NAALADL2: variants seen among roughly 807,000 people sequenced by gnomAD.
NAALADL2 encodes the protein N-acetylated alpha-linked acidic dipeptidase like 2, also known as inactive N-acetylated-alpha-linked acidic dipeptidase-like protein 2.
NAALADL2 carries 76 observed loss-of-function variants against 87.2 expected under a neutral mutation model. The ratio of observed to expected loss-of-function variants is 0.87; its 90% confidence interval spans 0.72 to 1.05. The LOEUF (loss-of-function observed/expected upper bound fraction) is 1.05, where lower values mean the gene tolerates loss of function less well. Among genes scored for constraint, NAALADL2 ranks in the 50% least tolerant of loss-of-function variants. The pLI is 0.00. For synonymous variants in NAALADL2, 354 were observed against 331.0 expected, an observed-to-expected ratio of 1.07 and a Z score of -0.75; for missense variants, 1,089 against 945.8, an observed-to-expected ratio of 1.15 and a Z score of -1.99.
Position 175,660,710 on chromosome 3 carries a change from T to C in NAALADL2, c.1896+33324T>C, listed in dbSNP as rs139191545. Among the ~76,000 whole-genome samples the C allele has an allele frequency of 1.6e-3, 249 of 152,196 alleles. 1 individual carries two copies. Among genetic ancestry groups the C allele is most frequent in the African/African-American group, 5.6e-3 (231 of 41,558 alleles). ...TAACCACCATCCTATGCTCTACCTC[T>C]GTAAGACTCACCTTTATAGCTCCCA... On this transcript the variant is annotated intron_variant, in intron 11 of 13. Transcript: ENST00000454872.
chr3:175,314,088 A>G (rs1355367995), intron 4 of NAALADL2, among the ~76,000 whole-genome samples: 1 of 151,336 alleles, frequency 6.6e-6, no homozygotes, highest in Admixed American at 6.6e-5. Context: ...AAAAAAAAAA[A>G]AAGAAAAGTG....
intron 1 of NAALADL2, among the ~76,000 whole-genome samples, chr3:175,044,781 G>A (rs73883317): frequency 0.037 from 5,695 of 152,130 alleles, 126 homozygotes; most frequent in African/African-American, 0.057. Flanking sequence ...GATTGGTTTT[G>A]ATTTCTTTCT....
chr3:174,555,543 G>A (rs531100537), intron 2 of NAALADL2, among the ~76,000 whole-genome samples: 4 of 152,158 alleles, frequency 2.6e-5, no homozygotes, highest in African/African-American at 7.2e-5. Context: ...CTGGTGGTCC[G>A]CCGGCCTTGG....
chr3:174,761,693 G>A (rs1712983672), intron 3 of NAALADL2, among the ~76,000 whole-genome samples: 1 of 151,854 alleles, frequency 6.6e-6, no homozygotes, highest in African/African-American at 2.4e-5. Flanking sequence ...GTATACATGT[G>A]CCATGTTGGT....
Position 174,529,361 on chromosome 3 carries a change from G to GTA in NAALADL2, c.-183-21207_-183-21206dup, listed in dbSNP as rs368933320. 2.2e-3 allele frequency among the ~76,000 whole-genome samples: 339 copies of GTA among 152,340 alleles called. 2 individuals carry two copies. Among genetic ancestry groups the GTA allele is most frequent in the African/African-American group, 8.0e-3 (332 of 41,586 alleles). On this transcript the variant is annotated intron_variant, in intron 1 of 3. Coordinates refer to the NAALADL2 transcript ENST00000434257. Reference sequence around the variant, plus strand: ...TGCTCTGCCCCTGTGGCTCTGCAGGGTAAAGCCTCCTTCCCTGCTGCTTTC... The same window carrying GTA: ...TGCTCTGCCCCTGTGGCTCTGCAGGGTATAAAGCCTCCTTCCCTGCTGCTTTC...
intron 1 of NAALADL2, among the ~76,000 whole-genome samples, chr3:174,948,781 T>A (rs574939914): frequency 1.3e-5 from 2 of 152,320 alleles, no homozygotes; most frequent in South Asian, 2.1e-4. Context: ...TGTCCATTGA[T>A]ACTGGTTTTA....
At chr3:174,447,924 G>C (rs1715178507) in intron 1 of NAALADL2, among the ~76,000 whole-genome samples, 1 of 152,172 alleles carries the variant, frequency 6.6e-6, no homozygotes. Flanking sequence ...ATATAGGTTG[G>C]CATAAAGGTA....
intron 4 of NAALADL2, among the ~76,000 whole-genome samples, chr3:175,274,563 A>T (rs1753309045): frequency 6.6e-6 from 1 of 152,184 alleles, no homozygotes; most frequent in Non-Finnish European, 1.5e-5. Context: ...CAGAATGCTC[A>T]GCCTATCAGA....
At chr3:175,647,193 G>A (rs866369739) in intron 11 of NAALADL2, among the ~76,000 whole-genome samples, 2 of 152,068 alleles carry the variant, frequency 1.3e-5, no homozygotes, top group South Asian at 4.1e-4. Context: ...GCATCCTACT[G>A]TATATTCCTA....
intron 10 of NAALADL2, among the ~76,000 whole-genome samples, chr3:175,613,013 A>G (rs1011521266): frequency 2.0e-5 from 3 of 152,170 alleles, no homozygotes; most frequent in African/African-American, 7.2e-5. Flanking sequence ...ATGTTAGCAG[A>G]GTTGGTAAAC....
intron 1 of NAALADL2, among the ~76,000 whole-genome samples, chr3:174,976,613 C>T (rs923139421): frequency 1.3e-5 from 2 of 152,190 alleles, no homozygotes; most frequent in Non-Finnish European, 2.9e-5. Context: ...GTTATATTTG[C>T]TGCACTCTGC....
At chr3:174,521,571 CAAAAAAAAA>C (rs58465181) in intron 1 of NAALADL2, among the ~76,000 whole-genome samples, 3 of 56,194 alleles carry the variant, frequency 5.3e-5, no homozygotes, top group African/African-American at 1.4e-4. Context: ...GACCCTGTCT[CAAAAAAAAA>C]AAAAAAAAAA....
chr3:175,656,735 GTGTA>G (rs1336596358), intron 11 of NAALADL2, among the ~76,000 whole-genome samples: 1 of 152,020 alleles, frequency 6.6e-6, no homozygotes, highest in Non-Finnish European at 1.5e-5. Context: ...GTGTGTGTGT[GTGTA>G]TGTGTGTGTG....
At chr3:175,033,675 C>A (rs142680751) in intron 1 of NAALADL2, among the ~76,000 whole-genome samples, 1 of 152,216 alleles carries the variant, frequency 6.6e-6, no homozygotes, top group African/African-American at 2.4e-5. Flanking sequence ...CTGGATACCA[C>A]ATTTTCACTG....
chr3:174,982,898 C>T (rs1745309282), intron 1 of NAALADL2, among the ~76,000 whole-genome samples: 2 of 152,122 alleles, frequency 1.3e-5, no homozygotes, highest in South Asian at 4.1e-4. Context: ...CCTGGGTTCA[C>T]GCCATTCTCC....
intron 2 of NAALADL2, among the ~76,000 whole-genome samples, chr3:175,139,211 A>T (rs931579475): frequency 6.6e-6 from 1 of 151,690 alleles, no homozygotes; most frequent in Admixed American, 6.6e-5. Flanking sequence ...CCTCAGATTT[A>T]TTCATTTTCT....
At chr3:175,594,651 A>G (rs77898448) in intron 10 of NAALADL2, among the ~76,000 whole-genome samples, 6,628 of 152,028 alleles carry the variant, frequency 0.044, 485 homozygotes, top group African/African-American at 0.15. Flanking sequence ...TTTTGTCTGC[A>G]TTTTTGCCAA....
At chr3:174,608,223 C>T (rs1217744961) in intron 2 of NAALADL2, among the ~76,000 whole-genome samples, 1 of 151,698 alleles carries the variant, frequency 6.6e-6, no homozygotes, top group Non-Finnish European at 1.5e-5. Context: ...AGGAAAGATA[C>T]AAAATTGACA....
At chr3:175,027,133 C>T (rs966385792) in intron 1 of NAALADL2, among the ~76,000 whole-genome samples, 2 of 152,056 alleles carry the variant, frequency 1.3e-5, no homozygotes, top group African/African-American at 2.4e-5. Context: ...ACCCTACACA[C>T]GTATACACCC....
Sources: allele counts gnomAD v4.1 joint callset (sites outside exome capture counted in the v4.1 genomes callset), GRCh38; gene constraint gnomAD v4.1.1; transcripts MANE v1.5; gene names NCBI Gene and HGNC (gene_info 2026-07-23, HGNC 2026-07-21).